Variants in GRID1 observed in about 807,000 individuals in gnomAD.
GRID1 encodes glutamate ionotropic receptor delta type subunit 1.
In GRID1, 28 loss-of-function variants were observed where a neutral mutation model predicts 98.0. The observed-to-expected ratio is 0.29, with a 90% CI of 0.21 to 0.39. GRID1 has a LOEUF of 0.39. Among genes scored for constraint, GRID1 ranks in the 10% least tolerant of loss-of-function variants. The pLI is 1.00. For synonymous variants in GRID1, 553 were observed against 538.5 expected (o/e 1.03, Z -0.37); for missense variants, 1,111 against 1,340.5 (o/e 0.83, Z 2.67).
intron 8 of GRID1, among the ~76,000 whole-genome samples, chr10:85,844,968 C>T (rs1234419106): frequency 6.6e-6 from 1 of 151,584 alleles, no homozygotes; most frequent in Non-Finnish European, 1.5e-5. Flanking sequence ...GAACATCAAC[C>T]AAAATTATGT....
intron 2 of GRID1, among the ~76,000 whole-genome samples, chr10:86,311,178 T>C (rs1285558515): frequency 4.6e-5 from 7 of 152,196 alleles, no homozygotes; most frequent in African/African-American, 1.7e-4. Flanking sequence ...GAGCCGGAGT[T>C]ATTCCCTCAT....
chr10:85,691,157 C>CA (rs552225469), intron 12 of GRID1, among the ~76,000 whole-genome samples: 58 of 152,244 alleles, frequency 3.8e-4, no homozygotes, highest in African/African-American at 1.2e-3. Flanking sequence ...TGCTAACACA[C>CA]AAAAAAATGA....
chr10:85,927,664 C>T (rs1012582435), intron 4 of GRID1, among the ~76,000 whole-genome samples: 10 of 152,152 alleles, frequency 6.6e-5, no homozygotes, highest in Non-Finnish European at 1.0e-4. Flanking sequence ...AACGAATCTC[C>T]CCAGAATATT....
At chr10:85,824,915 T>C (rs1000332938) in intron 8 of GRID1, among the ~76,000 whole-genome samples, 4 of 152,194 alleles carry the variant, frequency 2.6e-5, no homozygotes, top group African/African-American at 4.8e-5. Flanking sequence ...TGCCACACTA[T>C]ATATATACCA....
intron 8 of GRID1, among the ~76,000 whole-genome samples, chr10:85,749,493 T>C (rs1224012391): frequency 6.6e-6 from 1 of 152,152 alleles, no homozygotes; most frequent in Admixed American, 6.5e-5. Flanking sequence ...ATCCTGACCA[T>C]AATACATCCC....
At chr10:85,956,132 T>A (rs1842186032) in intron 4 of GRID1, among the ~76,000 whole-genome samples, 1 of 152,344 alleles carries the variant, frequency 6.6e-6, no homozygotes, top group East Asian at 1.9e-4. Context: ...TCAGCACTCA[T>A]TATACTCATA....
At chr10:86,008,612 G>A (rs1842890365) in intron 4 of GRID1, among the ~76,000 whole-genome samples, 1 of 152,112 alleles carries the variant, frequency 6.6e-6, no homozygotes, top group Non-Finnish European at 1.5e-5. Context: ...TCTTCTCACA[G>A]AAAAGGAAAC....
At chr10:85,837,125 G>A (rs909250036) in intron 8 of GRID1, among the ~76,000 whole-genome samples, 4 of 151,626 alleles carry the variant, frequency 2.6e-5, no homozygotes, top group Non-Finnish European at 4.4e-5. Flanking sequence ...CAGAGCCTTC[G>A]TGGCACACAG....
chr10:85,614,994 A>T (rs1842772157), intron 14 of GRID1, among the ~76,000 whole-genome samples: 1 of 152,166 alleles, frequency 6.6e-6, no homozygotes, highest in African/African-American at 2.4e-5. Context: ...GGTCCCTCTG[A>T]GTTCTCTGGG....
At chr10:85,918,226 G>C (rs1374824209) in intron 4 of GRID1, among the ~76,000 whole-genome samples, 2 of 152,190 alleles carry the variant, frequency 1.3e-5, no homozygotes, top group African/African-American at 4.8e-5. Flanking sequence ...TTGTGGTTTA[G>C]CAAGACCAAA....
intron 8 of GRID1, among the ~76,000 whole-genome samples, chr10:85,834,656 T>C (rs1842897199): frequency 6.6e-6 from 1 of 152,158 alleles, no homozygotes. Flanking sequence ...GGTACCTAAA[T>C]GGAAGTAAGA....
At chr10:86,182,712 G>A (rs1312233034) in intron 3 of GRID1, among the ~76,000 whole-genome samples, 1 of 152,142 alleles carries the variant, frequency 6.6e-6, no homozygotes, top group Non-Finnish European at 1.5e-5. Flanking sequence ...TTGCATTTCG[G>A]GTCCCTGCTA....
chr10:85,677,243 T>A (rs897121432), intron 12 of GRID1, among the ~76,000 whole-genome samples: 15 of 152,184 alleles, frequency 9.9e-5, no homozygotes, highest in African/African-American at 3.1e-4. Flanking sequence ...AGGTAAGTTT[T>A]AATTAAGACC....
At chr10:86,305,638 A>T (rs1293805223) in intron 2 of GRID1, among the ~76,000 whole-genome samples, 1 of 151,860 alleles carries the variant, frequency 6.6e-6, no homozygotes, top group Non-Finnish European at 1.5e-5. Context: ...CCCCACCACC[A>T]CCATAATAGG....
At chr10:85,672,919 G>C (rs1460153227) in intron 12 of GRID1, among the ~76,000 whole-genome samples, 1 of 152,204 alleles carries the variant, frequency 6.6e-6, no homozygotes, top group Non-Finnish European at 1.5e-5. Context: ...AGCTGCCATA[G>C]ATAGTGATTC....
chr10:85,772,045 A>T (rs992002390), intron 8 of GRID1, among the ~76,000 whole-genome samples: 5 of 152,198 alleles, frequency 3.3e-5, no homozygotes, highest in Admixed American at 3.3e-4. Flanking sequence ...CACCACACCT[A>T]TTCCAAAATT....
intron 4 of GRID1, among the ~76,000 whole-genome samples, chr10:86,023,538 TC>T (rs1232824411): frequency 3.3e-5 from 5 of 152,110 alleles, no homozygotes; most frequent in African/African-American, 1.2e-4. Flanking sequence ...CTTCTCCAGG[TC>T]CCTGTCCAGA....
intron 8 of GRID1, among the ~76,000 whole-genome samples, chr10:85,802,362 TAC>T (rs1235163824): frequency 6.6e-6 from 1 of 152,070 alleles, no homozygotes; most frequent in Non-Finnish European, 1.5e-5. Flanking sequence ...TCAGTATTGG[TAC>T]AGTGATAGAT....
rs539495661 is a variant in GRID1 at position 86,302,237 on chromosome 10, A to G, written c.235+61704T>C. 1.9e-4 allele frequency among the ~76,000 whole-genome samples: 29 copies of G among 152,318 alleles called. 1 individual carries two copies. In the South Asian group the frequency reaches 6.0e-3, roughly 32 times the overall value. On this transcript the variant is annotated intron_variant, in intron 2 of 15. Coordinates refer to ENST00000327946, the MANE Select transcript of GRID1 (RefSeq NM_017551.3). ...AGCTCCTCCTTGAGACTCACTCCAC[A>G]GGGGCCACCATGCCTTCTTGGGAGA...
Sources: gnomAD v4.1 joint callset for allele counts (sites outside exome capture counted in the v4.1 genomes callset) on GRCh38, gnomAD v4.1.1 for gene constraint, MANE v1.5 for transcripts, NCBI Gene and HGNC (gene_info 2026-07-23, HGNC 2026-07-21) for gene names.